CACNA2D2: variants seen among roughly 807,000 people sequenced by gnomAD.
CACNA2D2 encodes calcium voltage-gated channel auxiliary subunit alpha2delta 2.
In CACNA2D2, 48 loss-of-function variants were observed where a neutral mutation model predicts 166.4. That is an observed-to-expected ratio of 0.29 (90% CI 0.23 to 0.37). CACNA2D2 has a LOEUF of 0.37. CACNA2D2 is among the 10% of genes least tolerant of loss of function. The pLI is 1.00. For missense variants in CACNA2D2, 1,122 were observed against 1,433.0 expected (o/e 0.78, Z 3.50); for synonymous variants, 561 against 573.7 (o/e 0.98, Z 0.32).
chr3:50,406,655 T>C (rs935110855), intron 3 of CACNA2D2, among the ~76,000 whole-genome samples: 4 of 151,632 alleles, frequency 2.6e-5, no homozygotes, highest in African/African-American at 7.3e-5. Flanking sequence ...AGCTCCACCA[T>C]CACTACCTTC....
chr3:50,412,521 T>C (rs1267300314), intron 3 of CACNA2D2, among the ~76,000 whole-genome samples: 2 of 150,754 alleles, frequency 1.3e-5, no homozygotes, highest in African/African-American at 2.5e-5. Flanking sequence ...CCAGGTCTCG[T>C]GCATCCCAAA....
intron 3 of CACNA2D2, among the ~76,000 whole-genome samples, chr3:50,402,212 G>T (rs892840410): frequency 2.6e-4 from 40 of 152,264 alleles, no homozygotes; most frequent in African/African-American, 9.4e-4. Context: ...TGTCCAGTGT[G>T]AACAGGGAGA....
chr3:50,503,169 C>A, intron 1 of CACNA2D2, 49 bp downstream of exon 1: 1 of 1,105,120 alleles, frequency 9.0e-7, no homozygotes, highest in Non-Finnish European at 1.1e-6. Flanking sequence ...GGGGGCAGAG[C>A]GGGGCGCAAG....
chr3:50,503,278 G>A lies in CACNA2D2; in HGVS notation c.146C>T (p.Pro49Leu), dbSNP rs951683514. 3.4e-6 allele frequency: 4 copies of A among 1,165,972 alleles called. No homozygotes were observed. In the African/African-American group the frequency reaches 4.8e-5, roughly 14 times the overall value. 72.2% of individuals were successfully genotyped at this position (1,165,972 alleles called of 1,614,324 possible). Residue 49 changes from proline (P) to leucine (L), a missense_variant, in exon 1 of 38, where the codon CCG becomes CTG. Physicochemically the swap from Pro to Leu is moderately conservative, Grantham distance 98. This residue lies in a region of CACNA2D2 where 840 missense variants were observed against 1,166.8 expected (regional missense o/e 0.72). Coordinates refer to ENST00000424201, the MANE Select transcript of CACNA2D2 (RefSeq NM_006030.4). ...GGGGGCGGCGAGCAGCGGTAGAAGC[G>A]GCAGCAGCAGCCACAGCGGGCGCGG... is the stretch of plus-strand genomic sequence containing the variant. ...GPPRPLWLLL[P>L]LLPLLAAPGA...
Position 50,364,547 on chromosome 3 carries a change from A to T in CACNA2D2, c.*119T>A, listed in dbSNP as rs1230521737. On this transcript the variant is annotated 3_prime_UTR_variant, in exon 38 of 38. Transcript: ENST00000424201. The stretch of plus-strand genomic sequence containing the variant: ...CAGACCAGACTCTCAGGGCCTGGCC[A>T]GCTCAGGTCCTTCAGTGAGGGAGGG... The T allele has an allele frequency of 2.3e-5, 29 of 1,246,886 alleles. No homozygotes were observed. The highest frequency in any genetic ancestry group is 3.0e-5 in the Non-Finnish European group (28 of 928,238). 77.2% of individuals were successfully genotyped at this position (1,246,886 alleles called of 1,614,324 possible).
intron 4 of CACNA2D2, among the ~76,000 whole-genome samples, chr3:50,388,991 C>T (rs587695845): frequency 1.3e-5 from 2 of 152,362 alleles, no homozygotes; most frequent in East Asian, 1.9e-4. Flanking sequence ...CCGTGTCTGG[C>T]GCTTTCTTAC....
chr3:50,489,379 C>T (rs1313723411), intron 1 of CACNA2D2, among the ~76,000 whole-genome samples: 2 of 152,226 alleles, frequency 1.3e-5, no homozygotes, highest in East Asian at 3.9e-4. Context: ...CCCGCGCTGG[C>T]TCAGGAACCG....
rs1489243574 is a variant in CACNA2D2, at chr3:50,378,394, G to C, written c.1340-61C>G. ...GGCACTGCAGGATCCATGTGCAGAGGGCCCTGCCCCTGGGGTGTGTCTGCA... is the reference window on the plus strand; with the variant it reads ...GGCACTGCAGGATCCATGTGCAGAGCGCCCTGCCCCTGGGGTGTGTCTGCA... On this transcript the variant is annotated intron_variant, in intron 13 of 37. Transcript: ENST00000424201. 16 of 1,503,332 alleles carry C rather than the reference G, an allele frequency of 1.1e-5. No homozygotes were observed. The East Asian group carries it at 2.0e-4, about 18-fold the overall frequency. 93.1% of individuals were successfully genotyped at this position (1,503,332 alleles called of 1,614,324 possible).
intron 2 of CACNA2D2, among the ~76,000 whole-genome samples, chr3:50,455,643 G>A (rs1025348925): frequency 3.3e-5 from 5 of 152,074 alleles, no homozygotes; most frequent in South Asian, 4.2e-4. Context: ...GGAGGCCAGC[G>A]CAACAAGGAC....
chr3:50,485,465 A>G (rs1379319024), intron 1 of CACNA2D2, among the ~76,000 whole-genome samples: 2 of 152,264 alleles, frequency 1.3e-5, no homozygotes. Context: ...AGGTAGTTAT[A>G]AATGTATTTT....
chr3:50,442,302 C>T (rs1708637372), intron 2 of CACNA2D2, among the ~76,000 whole-genome samples: 1 of 152,276 alleles, frequency 6.6e-6, no homozygotes, highest in East Asian at 1.9e-4. Context: ...CTCCTGTGTA[C>T]CTCAAAACAA....
chr3:50,460,686 C>T (rs1221294492), intron 2 of CACNA2D2, among the ~76,000 whole-genome samples: 1 of 151,950 alleles, frequency 6.6e-6, no homozygotes, highest in Admixed American at 6.6e-5. Context: ...AACCCCGTCT[C>T]TACTAAAAAT....
At chr3:50,409,596 C>A (rs995584138) in intron 3 of CACNA2D2, among the ~76,000 whole-genome samples, 1 of 152,246 alleles carries the variant, frequency 6.6e-6, no homozygotes, top group Non-Finnish European at 1.5e-5. Flanking sequence ...GCAGCCCCTG[C>A]AAAGCAGGTC....
intron 1 of CACNA2D2, among the ~76,000 whole-genome samples, chr3:50,502,075 GGAGTC>G (rs1377857094): frequency 1.3e-5 from 2 of 152,200 alleles, no homozygotes; most frequent in Non-Finnish European, 2.9e-5. Flanking sequence ...CCTACGAACT[GGAGTC>G]GGCAGGTTTT....
At chr3:50,413,849 A>AAAAT (rs59688623) in intron 3 of CACNA2D2, among the ~76,000 whole-genome samples, 1 of 151,278 alleles carries the variant, frequency 6.6e-6, no homozygotes, top group Non-Finnish European at 1.5e-5. Context: ...TCCGTCTCAA[A>AAAAT]AAATAAATAA....
chr3:50,450,737 T>C (rs1312327789), intron 2 of CACNA2D2, among the ~76,000 whole-genome samples: 1 of 152,146 alleles, frequency 6.6e-6, no homozygotes, highest in East Asian at 1.9e-4. Context: ...GCTGCGCGCA[T>C]GCCTGACTCA....
Position 50,380,438 on chromosome 3 carries a change from G to C in CACNA2D2, c.842+310C>G, listed in dbSNP as rs1347781868. Among the ~76,000 whole-genome samples the C allele has an allele frequency of 1.3e-5, 2 of 152,198 alleles. No homozygotes were observed. Among genetic ancestry groups the C allele is most frequent in the East Asian group, 3.9e-4 (2 of 5,194 alleles). ...GGAGGGATATCTGGGGCTCAGACGG[G>C]TGGGGCAGGGACTGGCCAACCCTAC... On this transcript the variant is annotated intron_variant, in intron 8 of 37. Transcript: ENST00000424201. This position sits in a 1 kb window ranked among gnomAD's most constrained non-coding sequence, Gnocchi z 4.9.
chr3:50,374,797 G>A lies in CACNA2D2; in HGVS notation c.1924C>T (p.Pro642Ser). ...STNYSLGLVL[P>S]PYSTFYLQAN... ...TGGAGGTAGAAGGTGCTGTAGGGTG[G>A]GAGCACCAGCCCCAGGCTGAGGGGG... The change falls in exon 22 of 38, where the codon CCA becomes TCA. Residue 642 changes from proline (P) to serine (S), a missense_variant. Pro to Ser is a moderately conservative substitution (Grantham distance 74, BLOSUM62 -1). Around this residue, in one of 2 missense-constraint regions of CACNA2D2, gnomAD observed 840 missense variants for 1,166.8 expected, o/e 0.72. Coordinates refer to ENST00000424201, the MANE Select transcript of CACNA2D2 (RefSeq NM_006030.4). The A allele has an allele frequency of 6.3e-7, 1 of 1,593,490 alleles. No individual in the cohort carries two copies. The highest frequency in any genetic ancestry group is 1.1e-5 in the South Asian group (1 of 87,746).
intron 2 of CACNA2D2, among the ~76,000 whole-genome samples, chr3:50,442,671 C>T (rs9817768): frequency 0.095 from 14,404 of 152,246 alleles, 1,985 homozygotes; most frequent in African/African-American, 0.3. Flanking sequence ...GGGGCACTGG[C>T]TCCCTGCAAC....
Sources: allele counts gnomAD v4.1 joint callset (sites outside exome capture counted in the v4.1 genomes callset), GRCh38; gene constraint gnomAD v4.1.1; regional missense constraint gnomAD v4.1.1; non-coding constraint Gnocchi (gnomAD v3.1); transcripts MANE v1.5; gene names NCBI Gene and HGNC (gene_info 2026-07-23, HGNC 2026-07-21).